UPF3A: variants seen among roughly 807,000 people sequenced by gnomAD.
UPF3A encodes UPF3A regulator of nonsense mediated mRNA decay.
Under a neutral mutation model 53.5 loss-of-function variants are expected in UPF3A, and 42 were observed. The ratio of observed to expected loss-of-function variants is 0.78; its 90% CI spans 0.61 to 1.01. UPF3A has a LOEUF of 1.01. Among genes scored for constraint, UPF3A ranks in the 50% least tolerant of loss-of-function variants. UPF3A has a pLI of 0.00. For synonymous variants in UPF3A, 237 were observed against 225.3 expected, an observed-to-expected ratio of 1.05 and a Z score of -0.47; for missense variants, 575 against 598.0, an observed-to-expected ratio of 0.96 and a Z score of 0.40.
intron 7 of UPF3A, among the ~76,000 whole-genome samples, chr13:114,297,050 G>T (rs946557756): frequency 4.6e-5 from 7 of 152,190 alleles, no homozygotes; most frequent in Non-Finnish European, 1.0e-4. Flanking sequence ...CGCTTGATGA[G>T]AAGCGGCTTC....
intron 9 of UPF3A, among the ~76,000 whole-genome samples, chr13:114,303,570 G>T (rs2086785721): frequency 6.6e-6 from 1 of 152,172 alleles, no homozygotes. Flanking sequence ...TGGAACACCT[G>T]AGGTCAGGAG....
chr13:114,294,280 G>C (rs1487318759), intron 7 of UPF3A, among the ~76,000 whole-genome samples: 1 of 150,818 alleles, frequency 6.6e-6, no homozygotes, highest in Non-Finnish European at 1.5e-5. Context: ...TGGTGGGGGG[G>C]GGGTTTGAGA....
rs1486867009 is a variant in UPF3A, at chr13:114,301,987, G to A, written c.1264G>A (p.Asp422Asn). ...ACTGGGAAGAGCGCAGAGGTGTGAC[G>A]ACAGTCCAGCACCCAGAAAAGAGCG... The part of the protein sequence containing the change: ...ERLGRAQRCD[D>N]SPAPRKERLA... The change falls in exon 9 of 10, where the codon GAC (aspartate) becomes AAC (asparagine). Residue 422 changes from aspartate (D) to asparagine (N), a missense_variant. Asp to Asn is a conservative substitution (Grantham distance 23). Coordinates refer to ENST00000375299, the MANE Select transcript of UPF3A (RefSeq NM_023011.4). 9.6e-6 allele frequency: 15 copies of A among 1,570,248 alleles called. No individual in the cohort carries two copies. The highest frequency in any genetic ancestry group is 1.2e-5 in the South Asian group (1 of 85,628).
At chr13:114,298,814 A>G (rs1224689823) in intron 7 of UPF3A, 26 bp from the exon 8 acceptor site, 6 of 1,517,440 alleles carry the variant, frequency 4.0e-6, no homozygotes, top group Non-Finnish European at 5.3e-6. Flanking sequence ...TCAAGGTGAT[A>G]CTTTACTAAC....
intron 7 of UPF3A, among the ~76,000 whole-genome samples, chr13:114,292,444 G>A (rs578090497): frequency 6.8e-6 from 1 of 146,574 alleles, no homozygotes; most frequent in East Asian, 2.0e-4. Context: ...GGTTCAAGGC[G>A]TACACGTGCA....
intron 7 of UPF3A, among the ~76,000 whole-genome samples, chr13:114,295,384 TCG>T (rs2085826439): frequency 1.4e-5 from 2 of 146,980 alleles, no homozygotes; most frequent in Non-Finnish European, 3.0e-5. Context: ...GCTCCCCAGC[TCG>T]TCTCCAGCGG....
Position 114,281,673 on chromosome 13 carries a change from C to T in UPF3A, c.34C>T (p.Arg12Trp), listed in dbSNP as rs754311829. The T allele has an allele frequency of 4.6e-6, 7 of 1,529,244 alleles. No individual in the cohort carries two copies. In the South Asian group the frequency reaches 6.1e-5, roughly 13 times the overall value. 94.7% of individuals were successfully genotyped at this position (1,529,244 alleles called of 1,614,324 possible). Residue 12 changes from arginine (R) to tryptophan (W), a missense_variant, in exon 1 of 10, where the codon CGG becomes TGG. Around this residue, in one of 2 missense-constraint regions of UPF3A, gnomAD observed 252 missense variants for 182.7 expected, o/e 1.38. Transcript: ENST00000375299. ...RSEKEGAGGL[R>W]AAVAARGPSG... ...GGAAAAGGAGGGGGCCGGAGGCCTT[C>T]GGGCGGCCGTTGCCGCGCGGGGCCC...
intron 3 of UPF3A, chr13:114,283,876 C>T (rs777741382): frequency 2.7e-5 from 27 of 985,372 alleles, no homozygotes; most frequent in Non-Finnish European, 3.1e-5. Flanking sequence ...CACCCTCTTC[C>T]GACTCCACGT....
chr13:114,295,996 C>T (rs1369251014), intron 7 of UPF3A, among the ~76,000 whole-genome samples: 1 of 152,190 alleles, frequency 6.6e-6, no homozygotes, highest in Non-Finnish European at 1.5e-5. Flanking sequence ...CCACCCTAGC[C>T]TCCGAGAGGG....
intron 7 of UPF3A, among the ~76,000 whole-genome samples, chr13:114,292,765 CTT>C (rs1292969224): frequency 6.6e-6 from 1 of 152,128 alleles, no homozygotes; most frequent in Non-Finnish European, 1.5e-5. Flanking sequence ...GTTTTTCAGT[CTT>C]CACCCTCCTC....
At chr13:114,290,734 C>CTTTTTTTT (rs112441605) in intron 5 of UPF3A, among the ~76,000 whole-genome samples, 3 of 138,424 alleles carry the variant, frequency 2.2e-5, no homozygotes, top group Admixed American at 7.2e-5. Flanking sequence ...TCTTTTTTTT[C>CTTTTTTTT]TTTTTTTTTT....
chr13:114,299,724 C>T (rs2086415920), intron 8 of UPF3A, among the ~76,000 whole-genome samples: 1 of 152,234 alleles, frequency 6.6e-6, no homozygotes, highest in Non-Finnish European at 1.5e-5. Context: ...TGGCATCCAC[C>T]ATCCTCAGGG....
chr13:114,282,572 A>T (rs1190538773), intron 2 of UPF3A: 3 of 985,332 alleles, frequency 3.0e-6, no homozygotes, highest in Non-Finnish European at 3.6e-6. Flanking sequence ...TTCCTCTGGG[A>T]GTGCGCCCTG....
At position 114,282,088 on chromosome 13, in the gene UPF3A, C is replaced by T. The variant is rs1331062530; in HGVS notation, c.275C>T (p.Pro92Leu). 1.3e-6 allele frequency: 2 copies of T among 1,579,600 alleles called. No homozygotes were observed. Among genetic ancestry groups the T allele is most frequent in the Non-Finnish European group, 1.7e-6 (2 of 1,163,874 alleles). The change falls in exon 2 of 10, where the codon CCA becomes CTA. Residue 92 changes from proline (P) to leucine (L), a missense_variant. Pro to Leu is a moderately conservative substitution (Grantham distance 98, BLOSUM62 -3). Around this residue, in one of 2 missense-constraint regions of UPF3A, gnomAD observed 252 missense variants for 182.7 expected, o/e 1.38. Transcript: ENST00000375299. ...EQLEEQLRPL[P>L]AHDYFEFFAA... ...CTGGAGGAGCAGCTGCGCCCGCTGCCAGCACACGACTACTTCGAGTTCTTC... is the reference window on the plus strand; with the variant it reads ...CTGGAGGAGCAGCTGCGCCCGCTGCTAGCACACGACTACTTCGAGTTCTTC...
chr13:114,302,813 T>C (rs924078291), intron 9 of UPF3A, among the ~76,000 whole-genome samples: 3 of 152,212 alleles, frequency 2.0e-5, no homozygotes, highest in African/African-American at 7.2e-5. Flanking sequence ...TGAAACTGTT[T>C]CAGTGTAGCT....
At chr13:114,295,678 T>C (rs2085905296) in intron 7 of UPF3A, among the ~76,000 whole-genome samples, 1 of 152,204 alleles carries the variant, frequency 6.6e-6, no homozygotes, top group Non-Finnish European at 1.5e-5. Flanking sequence ...TTTGTTTCCT[T>C]TTTCATATTT....
intron 3 of UPF3A, chr13:114,283,467 AGT>A (rs1168669751): frequency 6.6e-6 from 1 of 152,442 alleles, no homozygotes; most frequent in Non-Finnish European, 1.5e-5. Flanking sequence ...TCTGTGTAAT[AGT>A]GACAGCCTAT....
chr13:114,292,444 G>T (rs578090497), intron 7 of UPF3A, among the ~76,000 whole-genome samples: 26 of 146,660 alleles, frequency 1.8e-4, no homozygotes, highest in Admixed American at 4.1e-4. Flanking sequence ...GGTTCAAGGC[G>T]TACACGTGCA....
rs904137980 is a variant in UPF3A, at chr13:114,282,227, A to G, written c.314+100A>G. On this transcript the variant is annotated intron_variant, in intron 2 of 9. Coordinates refer to ENST00000375299, the MANE Select transcript of UPF3A (RefSeq NM_023011.4). ...CGTTCCTTACCCTGATTTCTCCTAT[A>G]TGGGAGTCGTGTGAGCTTTTTGAAT... The G allele has an allele frequency of 2.8e-5, 28 of 983,726 alleles. No homozygotes were observed. In the South Asian group the frequency reaches 3.4e-4, roughly 12 times the overall value. 60.9% of individuals were successfully genotyped at this position (983,726 alleles called of 1,614,324 possible).
Sources: allele counts gnomAD v4.1 joint callset (sites outside exome capture counted in the v4.1 genomes callset), GRCh38; gene constraint gnomAD v4.1.1; regional missense constraint gnomAD v4.1.1; transcripts MANE v1.5; gene names NCBI Gene and HGNC (gene_info 2026-07-23, HGNC 2026-07-21).